SEMA6D: variants seen among roughly 807,000 people sequenced by gnomAD.
SEMA6D encodes the protein semaphorin 6D, also known as semaphorin-6D.
In SEMA6D, 35 loss-of-function variants were observed where a neutral mutation model predicts 106.6. The ratio of observed to expected loss-of-function variants is 0.33; its 90% confidence interval spans 0.25 to 0.44. The LOEUF (loss-of-function observed/expected upper bound fraction) is 0.44. SEMA6D is among the 20% of genes least tolerant of loss of function. The pLI is 1.00. For missense variants in SEMA6D, 1,185 were observed against 1,345.9 expected (o/e 0.88, Z 1.87); for synonymous variants, 499 against 487.7 (o/e 1.02, Z -0.31).
rs766126701 is a variant in SEMA6D at position 47,771,717 on chromosome 15, G to C, written c.3154G>C (p.Val1052Leu). 5.2e-5 allele frequency: 84 copies of C among 1,613,924 alleles called. 1 individual carries two copies. In the Admixed American group the frequency reaches 1.4e-3, roughly 27 times the overall value. Reference sequence around the variant, plus strand: ...GAGGACGCCGTCCTTAAAACCTGACGTGCCACCAAAGCCTTCCTTTGTTCC... The same window carrying C: ...GAGGACGCCGTCCTTAAAACCTGACCTGCCACCAAAGCCTTCCTTTGTTCC... Reference protein sequence around the residue: ...LKRTPSLKPDVPPKPSFVPQT... With the variant: ...LKRTPSLKPDLPPKPSFVPQT... Residue 1052 changes from valine (V) to leucine (L), a missense_variant, in exon 19 of 19, where the codon GTG becomes CTG. Transcript: ENST00000536845.
intron 1 of SEMA6D, among the ~76,000 whole-genome samples, chr15:47,198,425 A>C (rs751561807): frequency 6.6e-6 from 1 of 152,178 alleles, no homozygotes; most frequent in African/African-American, 2.4e-5. Flanking sequence ...ATATTGTGCA[A>C]TATAAATATA....
intron 1 of SEMA6D, among the ~76,000 whole-genome samples, chr15:47,302,235 A>T (rs571848329): frequency 5.0e-4 from 76 of 152,258 alleles, no homozygotes; most frequent in Admixed American, 1.1e-3. Context: ...TTAAGATCCT[A>T]TAGTCGTTTG....
chr15:47,558,348 G>T (rs1177850999), intron 3 of SEMA6D, among the ~76,000 whole-genome samples: 1 of 151,916 alleles, frequency 6.6e-6, no homozygotes, highest in East Asian at 1.9e-4. Flanking sequence ...ATAAATCCTT[G>T]TCTGAAGCTG....
chr15:47,302,458 A>G (rs1222022472), intron 1 of SEMA6D, among the ~76,000 whole-genome samples: 1 of 152,216 alleles, frequency 6.6e-6, no homozygotes, highest in Non-Finnish European at 1.5e-5. Context: ...TTCCCAAAAT[A>G]TGTCCACATC....
Position 47,614,881 on chromosome 15 carries a change from T to C in SEMA6D, c.-55+13985T>C, listed in dbSNP as rs1183198104. 4.6e-5 allele frequency among the ~76,000 whole-genome samples: 7 copies of C among 152,310 alleles called. No homozygotes were observed. The East Asian group carries it at 9.6e-4, about 21-fold the overall frequency. ...AAAATGGGGTTAATAACAATATCCA[T>C]CCTACAGGTTTAATCTGGTGATTAA... On this transcript the variant is annotated intron_variant, in intron 4 of 19. Coordinates refer to the SEMA6D transcript ENST00000558014.
chr15:47,352,508 G>GA (rs1239938542), intron 1 of SEMA6D, among the ~76,000 whole-genome samples: 2 of 152,186 alleles, frequency 1.3e-5, no homozygotes, highest in Non-Finnish European at 2.9e-5. Context: ...CCATCAGAAG[G>GA]ATGGATGTAG....
At chr15:47,400,933 A>C (rs2040377773) in intron 1 of SEMA6D, among the ~76,000 whole-genome samples, 1 of 152,240 alleles carries the variant, frequency 6.6e-6, no homozygotes, top group African/African-American at 2.4e-5. Flanking sequence ...CTGAGAATTA[A>C]CGGTATAGAT....
intron 1 of SEMA6D, among the ~76,000 whole-genome samples, chr15:47,217,152 A>G (rs751137098): frequency 6.6e-6 from 1 of 152,224 alleles, no homozygotes; most frequent in Non-Finnish European, 1.5e-5. Flanking sequence ...CCTGTTGTTT[A>G]TAAGTCATCC....
At chr15:47,184,645 T>C (rs1893417158) in intron 1 of SEMA6D, among the ~76,000 whole-genome samples, 1 of 152,164 alleles carries the variant, frequency 6.6e-6, no homozygotes, top group South Asian at 2.1e-4. Context: ...GGCAGAGTTG[T>C]TGGCACTGAT....
At position 47,195,697 on chromosome 15, in the gene SEMA6D, G is replaced by T. The variant is rs186203527; in HGVS notation, c.-239+11279G>T. 1.4e-4 allele frequency among the ~76,000 whole-genome samples: 22 copies of T among 151,996 alleles called. No homozygotes were observed. In the East Asian group the frequency reaches 3.9e-3, roughly 27 times the overall value. ...CTGACCAATTTAGGTATCTCTTCTC[G>T]GGGTTCCACTGCATCTTGTGCTCGC... On this transcript the variant is annotated intron_variant, in intron 1 of 19. Transcript: ENST00000558014.
intron 3 of SEMA6D, among the ~76,000 whole-genome samples, chr15:47,524,701 C>T (rs899688656): frequency 2.0e-5 from 3 of 152,160 alleles, no homozygotes; most frequent in African/African-American, 7.2e-5. Flanking sequence ...TTCTTCACTG[C>T]TCATGTTTAG....
At chr15:47,395,834 A>G (rs1341876307) in intron 1 of SEMA6D, 1 of 152,242 alleles carries the variant, frequency 6.6e-6, no homozygotes, top group Admixed American at 6.5e-5. Flanking sequence ...TCTCATTTGT[A>G]CAATATTCAT....
intron 1 of SEMA6D, chr15:47,397,442 G>T (rs576294013): frequency 2.6e-5 from 4 of 152,170 alleles, no homozygotes; most frequent in African/African-American, 4.8e-5. Context: ...AATGAACAAA[G>T]AATCTTACAT....
At chr15:47,601,324 G>GT (rs1198614342) in intron 4 of SEMA6D, among the ~76,000 whole-genome samples, 1 of 152,146 alleles carries the variant, frequency 6.6e-6, no homozygotes, top group African/African-American at 2.4e-5. Flanking sequence ...TTCAGCTTTG[G>GT]TAAGGTCTTC....
intron 4 of SEMA6D, among the ~76,000 whole-genome samples, chr15:47,701,335 A>G (rs911145475): frequency 9.9e-5 from 15 of 152,128 alleles, no homozygotes; most frequent in African/African-American, 3.6e-4. Context: ...AGAAGTAGAG[A>G]GTAGAATGGT....
At chr15:47,215,640 G>A (rs1026993041) in intron 1 of SEMA6D, among the ~76,000 whole-genome samples, 7 of 152,188 alleles carry the variant, frequency 4.6e-5, no homozygotes, top group Middle Eastern at 3.4e-3. Context: ...TGGAGAGATG[G>A]AGATGCATAT....
rs1555411185 is a variant in SEMA6D, at chr15:47,254,875, T to TTTTGTG, written c.-239+70458_-239+70459insTTGTGT. On this transcript the variant is annotated intron_variant, in intron 1 of 19. Coordinates refer to the SEMA6D transcript ENST00000558014. ...TCATCAGGGATATTGACCTGTGGTT[T>TTTTGTG]TGTGTGTGTGTGTGTGTGTGTGTGT... is the stretch of plus-strand genomic sequence containing the variant. Among the ~76,000 whole-genome samples the TTTTGTG allele has an allele frequency of 1.3e-3, 174 of 134,404 alleles. 1 individual carries two copies. The highest frequency in any genetic ancestry group is 1.5e-3 in the Non-Finnish European group (94 of 63,088). 88.2% of individuals were successfully genotyped at this position (134,404 alleles called of 152,430 possible). A position where few individuals can be genotyped will look rare whatever the true frequency, so the allele number is the denominator to read the frequency against.
intron 2 of SEMA6D, among the ~76,000 whole-genome samples, chr15:47,469,968 C>T (rs1256544336): frequency 6.6e-6 from 1 of 151,958 alleles, no homozygotes; most frequent in African/African-American, 2.4e-5. Flanking sequence ...ACTTGCTCCT[C>T]ACAGTGTCCT....
intron 1 of SEMA6D, among the ~76,000 whole-genome samples, chr15:47,254,773 G>A (rs1264972638): frequency 1.3e-5 from 2 of 151,786 alleles, no homozygotes; most frequent in South Asian, 2.1e-4. Context: ...ATCCCACTTG[G>A]CTATGGTGAA....
Sources: gnomAD v4.1 joint callset for allele counts (sites outside exome capture counted in the v4.1 genomes callset) on GRCh38, gnomAD v4.1.1 for gene constraint, MANE v1.5 for transcripts, NCBI Gene and HGNC (gene_info 2026-07-23, HGNC 2026-07-21) for gene names.